PPEF2: variants seen among roughly 807,000 people sequenced by gnomAD.
The protein encoded by PPEF2 is serine/threonine-protein phosphatase with EF-hands 2.
PPEF2 carries 84 observed loss-of-function variants against 84.7 expected under a neutral mutation model. The observed-to-expected ratio is 0.99, with a 90% CI of 0.83 to 1.19. The LOEUF is 1.19. Ranked by LOEUF, PPEF2 falls within the 50% of genes most tolerant of loss-of-function variation. The pLI is 0.00. For missense variants in PPEF2, 924 were observed against 937.5 expected (o/e 0.99, Z 0.19); for synonymous variants, 346 against 345.2 (o/e 1.00, Z -0.03).
intron 8 of PPEF2, 48 bp from the exon 9 acceptor site, chr4:75,883,250 A>T (rs1724625474): frequency 3.3e-6 from 5 of 1,534,392 alleles, no homozygotes; most frequent in Non-Finnish European, 4.5e-6. Context: ...GGGTGACAAT[A>T]ATCAGGGCAT....
chr4:75,894,853 C>T (rs542013435), intron 2 of PPEF2, among the ~76,000 whole-genome samples: 4 of 152,306 alleles, frequency 2.6e-5, no homozygotes, highest in South Asian at 2.1e-4. Context: ...GGGTTGAATT[C>T]GTGTTATTCA....
At chr4:75,866,970 A>C (rs7697123) in intron 14 of PPEF2, among the ~76,000 whole-genome samples, 151,073 of 152,306 alleles carry the variant, frequency 0.99, 74,938 homozygotes, top group Middle Eastern at 1. Context: ...TAGGTAAACA[A>C]AGACTCAGCT....
chr4:75,879,398 G>A (rs80295107), intron 10 of PPEF2, among the ~76,000 whole-genome samples: 5 of 152,106 alleles, frequency 3.3e-5, no homozygotes, highest in East Asian at 3.9e-4. Context: ...TTTGCAACCC[G>A]GCATTGTTCT....
At chr4:75,881,759 A>C (rs746666555) in intron 10 of PPEF2, 1 of 152,218 alleles carries the variant, frequency 6.6e-6, no homozygotes, top group Non-Finnish European at 1.5e-5. Flanking sequence ...TCTCTGGACA[A>C]CTTCATAGAA....
At chr4:75,891,074 C>T (rs1318453467) in intron 4 of PPEF2, among the ~76,000 whole-genome samples, 1 of 151,816 alleles carries the variant, frequency 6.6e-6, no homozygotes, top group Non-Finnish European at 1.5e-5. Context: ...ATCCCAGCTA[C>T]TTGGGTATCT....
rs1313134122 is a variant in PPEF2, at chr4:75,876,464, C to T, written c.1143G>A (p.Leu381=). ...RSSSIPCSGS[L]DGRELSRQVR... ...CCTGCCGGGAGAGCTCCCGCCCGTC[C>T]AGGGAACCGCTGCAGGGGATGCTGG... Residue 381 remains leucine, a synonymous_variant, in exon 11 of 17, where the codon CTG becomes CTA. Coordinates refer to ENST00000286719, the MANE Select transcript of PPEF2 (RefSeq NM_006239.3). The T allele has an allele frequency of 8.7e-6, 14 of 1,614,022 alleles. No individual in the cohort carries two copies. Among genetic ancestry groups the T allele is most frequent in the Non-Finnish European group, 1.1e-5 (13 of 1,179,938 alleles).
chr4:75,867,574 C>T (rs1426739854), intron 13 of PPEF2, among the ~76,000 whole-genome samples, 155 bp from the exon 14 acceptor site: 1 of 152,200 alleles, frequency 6.6e-6, no homozygotes, highest in African/African-American at 2.4e-5. Context: ...CTGTTGTACA[C>T]AAACAGGATG....
At chr4:75,877,006 AAAAGAAAG>A (rs71657381) in intron 10 of PPEF2, among the ~76,000 whole-genome samples, 15,504 of 53,598 alleles carry the variant, frequency 0.29, 3,603 homozygotes, top group African/African-American at 0.58. Context: ...AGACCCTGAA[AAAAGAAAG>A]AAAGAAAGAA....
At chr4:75,891,496 T>C in intron 4 of PPEF2, 152 bp downstream of exon 4, 1 of 802,150 alleles carries the variant, frequency 1.2e-6, no homozygotes, top group Non-Finnish European at 1.9e-6. Flanking sequence ...GAACCTGGCA[T>C]AAAACCCCAG....
chr4:75,889,891 G>T, intron 5 of PPEF2, 66 bp downstream of exon 5: 1 of 1,541,358 alleles, frequency 6.5e-7, no homozygotes, highest in Non-Finnish European at 8.9e-7. Context: ...TTTCTGTGCT[G>T]GGTTTCGTCT....
In PPEF2 at chr4:75,876,441, T is replaced by C; in HGVS notation, c.1166A>G (p.Gln389Arg). ...CTCCAGTTCCACGGAGCTCCGCACC[T>C]GCCGGGAGAGCTCCCGCCCGTCCAG... Reference protein sequence around the residue: ...GSLDGRELSRQVRSSVELELE... With the variant: ...GSLDGRELSRRVRSSVELELE... Residue 389 changes from glutamine (Q) to arginine (R), a missense_variant, in exon 11 of 17, where the codon CAG becomes CGG. By Grantham distance (43) the Gln-to-Arg change is conservative. Transcript: ENST00000286719. 6.2e-7 allele frequency: 1 copy of C among 1,614,138 alleles called. No homozygotes were observed.
At chr4:75,870,317 T>G (rs1724236000) in intron 13 of PPEF2, among the ~76,000 whole-genome samples, 1 of 152,220 alleles carries the variant, frequency 6.6e-6, no homozygotes, top group Admixed American at 6.5e-5. Flanking sequence ...AAGATGATTT[T>G]GCTGCACAGT....
Position 75,895,647 on chromosome 4 carries a change from G to A in PPEF2, c.55+624C>T, listed in dbSNP as rs763704144. ...CTCGGGAGGCTGAGGCAGGAGAATC[G>A]CTTGAACCCAGGAAGAGGAGTTTGC... On this transcript the variant is annotated intron_variant, in intron 2 of 16. Transcript: ENST00000286719. Among the ~76,000 whole-genome samples the A allele has an allele frequency of 1.4e-4, 22 of 151,902 alleles. 1 individual carries two copies. Among genetic ancestry groups the A allele is most frequent in the African/African-American group, 5.1e-4 (21 of 41,324 alleles).
At chr4:75,878,887 A>C (rs1469256575) in intron 10 of PPEF2, among the ~76,000 whole-genome samples, 1 of 152,152 alleles carries the variant, frequency 6.6e-6, no homozygotes, top group Non-Finnish European at 1.5e-5. Flanking sequence ...CAAGCAATTC[A>C]TATCGACTCA....
intron 8 of PPEF2, chr4:75,883,436 T>G (rs1233080157): frequency 3.6e-6 from 2 of 551,216 alleles, no homozygotes; most frequent in Non-Finnish European, 6.4e-6. Context: ...TTTACTATCA[T>G]GAATCTCTAT....
rs112833243 is a variant in PPEF2, at chr4:75,888,577, T to C, written c.418-249A>G. Among the ~76,000 whole-genome samples, 100 of 152,330 alleles carry C rather than the reference T, an allele frequency of 6.6e-4. 1 individual carries two copies. Among genetic ancestry groups the C allele is most frequent in the African/African-American group, 2.1e-3 (89 of 41,564 alleles). On this transcript the variant is annotated intron_variant, in intron 5 of 16. Transcript: ENST00000286719. Reference sequence around the variant, plus strand: ...ACTTTTCTCTTTCCTTTCTACTCTATTAAATGCTTCCTTGCCTTTAGCATG... The same window carrying C: ...ACTTTTCTCTTTCCTTTCTACTCTACTAAATGCTTCCTTGCCTTTAGCATG...
intron 13 of PPEF2, among the ~76,000 whole-genome samples, chr4:75,871,797 T>C (rs1440998369): frequency 6.6e-6 from 1 of 152,012 alleles, no homozygotes; most frequent in Non-Finnish European, 1.5e-5. Flanking sequence ...GAAAACAAAT[T>C]TGTTGCTCCC....
intron 16 of PPEF2, among the ~76,000 whole-genome samples, chr4:75,862,864 G>A (rs1411240260): frequency 1.3e-5 from 2 of 152,124 alleles, no homozygotes; most frequent in Non-Finnish European, 2.9e-5. Flanking sequence ...GTTCATAGCA[G>A]CATTGTTCAT....
At chr4:75,872,317 T>A in intron 12 of PPEF2, 150 bp from the exon 13 acceptor site, 1 of 787,226 alleles carries the variant, frequency 1.3e-6, no homozygotes. Flanking sequence ...TTTCTTTTTT[T>A]CTAAAGGCAT....
Sources: allele counts gnomAD v4.1 joint callset (sites outside exome capture counted in the v4.1 genomes callset), GRCh38; gene constraint gnomAD v4.1.1; transcripts MANE v1.5; gene names NCBI Gene and HGNC (gene_info 2026-07-23, HGNC 2026-07-21).